TMEFF2: variants seen among roughly 807,000 people sequenced by gnomAD.
TMEFF2 encodes transmembrane protein with EGF like and two follistatin like domains 2.
A neutral mutation model predicts 53.8 loss-of-function variants in TMEFF2; 28 were observed. The ratio of observed to expected loss-of-function variants is 0.52; its 90% CI spans 0.39 to 0.71. The LOEUF is 0.71. TMEFF2 is among the 30% of genes least tolerant of loss of function. The pLI, the probability that TMEFF2 is intolerant of heterozygous loss-of-function variation, is 0.00. For synonymous variants in TMEFF2, 162 were observed against 166.3 expected (o/e 0.97, Z 0.20); for missense variants, 353 against 455.2 (o/e 0.78, Z 2.04).
At chr2:192,013,194 G>A (rs1040601265) in intron 5 of TMEFF2, among the ~76,000 whole-genome samples, 3 of 152,000 alleles carry the variant, frequency 2.0e-5, no homozygotes, top group South Asian at 4.2e-4. Flanking sequence ...TGTGTGATCC[G>A]GCTCTTGACT....
At chr2:192,046,124 G>A (rs186566907) in intron 5 of TMEFF2, among the ~76,000 whole-genome samples, 1 of 152,296 alleles carries the variant, frequency 6.6e-6, no homozygotes, top group African/African-American at 2.4e-5. Context: ...CAGCACTTTG[G>A]GAGGCTGAGG....
intron 4 of TMEFF2, among the ~76,000 whole-genome samples, chr2:192,125,769 A>G (rs961079093): frequency 2.0e-5 from 3 of 152,212 alleles, no homozygotes; most frequent in African/African-American, 7.2e-5. Context: ...CTAACATCGC[A>G]GGAACAGAAA....
At chr2:192,002,965 A>G (rs570002464) in intron 5 of TMEFF2, among the ~76,000 whole-genome samples, 1 of 152,352 alleles carries the variant, frequency 6.6e-6, no homozygotes. Context: ...ATTATTTACT[A>G]TATTCCATGT....
At chr2:192,055,216 G>T (rs1257530900) in intron 5 of TMEFF2, among the ~76,000 whole-genome samples, 1 of 152,158 alleles carries the variant, frequency 6.6e-6, no homozygotes, top group African/African-American at 2.4e-5. Flanking sequence ...TATGACTACA[G>T]AAGAGCCCTA....
intron 4 of TMEFF2, among the ~76,000 whole-genome samples, chr2:192,104,947 C>A (rs1022932211): frequency 6.6e-6 from 1 of 151,896 alleles, no homozygotes; most frequent in African/African-American, 2.4e-5. Context: ...AAAATTGTAA[C>A]CCTGACTGTT....
At chr2:192,040,201 C>T (rs559335599) in intron 5 of TMEFF2, among the ~76,000 whole-genome samples, 1 of 152,136 alleles carries the variant, frequency 6.6e-6, no homozygotes, top group African/African-American at 2.4e-5. Context: ...TCTTTTCTTT[C>T]TCACCTTGAA....
intron 7 of TMEFF2, among the ~76,000 whole-genome samples, chr2:191,964,186 T>G (rs1692348259): frequency 6.6e-6 from 1 of 152,042 alleles, no homozygotes; most frequent in East Asian, 1.9e-4. Context: ...TAAAAAACAA[T>G]TTCCTTCCTT....
intron 4 of TMEFF2, among the ~76,000 whole-genome samples, chr2:192,118,245 G>A (rs1689463881): frequency 6.6e-6 from 1 of 152,018 alleles, no homozygotes; most frequent in African/African-American, 2.4e-5. Flanking sequence ...GGTAACAGAT[G>A]GATATGCCAA....
At position 192,121,281 on chromosome 2, in the gene TMEFF2, C is replaced by T. The variant is rs16824101; in HGVS notation, c.439+58387G>A. On this transcript the variant is annotated intron_variant, in intron 4 of 9. Coordinates refer to ENST00000272771, the MANE Select transcript of TMEFF2 (RefSeq NM_016192.4). ...TCAGATGCCATAGTTTGAAAAGAAA[C>T]TCCAGATGAGAGGATATCTGGTCTC... 0.042 allele frequency among the ~76,000 whole-genome samples: 6,344 copies of T among 152,194 alleles called. 707 individuals carry two copies. The East Asian group carries it at 0.44, about 11-fold the overall frequency.
At chr2:192,126,595 T>C (rs903490659) in intron 4 of TMEFF2, among the ~76,000 whole-genome samples, 2 of 152,196 alleles carry the variant, frequency 1.3e-5, no homozygotes, top group African/African-American at 4.8e-5. Flanking sequence ...GACACTGCTA[T>C]GGTAATTACA....
intron 4 of TMEFF2, among the ~76,000 whole-genome samples, chr2:192,162,707 A>G (rs757907137): frequency 7.2e-5 from 11 of 152,210 alleles, no homozygotes; most frequent in African/African-American, 2.4e-4. Flanking sequence ...GCAATTTACT[A>G]TTAAAGAAGA....
chr2:192,059,141 A>AT (rs143469470), intron 4 of TMEFF2, among the ~76,000 whole-genome samples: 4,671 of 151,982 alleles, frequency 0.031, 241 homozygotes, highest in African/African-American at 0.11. Flanking sequence ...GGAGGGATTT[A>AT]TTTTTTCTAA....
At position 192,194,272 on chromosome 2, in the gene TMEFF2, C is replaced by A. The variant is rs1239313329; in HGVS notation, c.172+81G>T. 6.5e-7 allele frequency: 1 copy of A among 1,542,402 alleles called. No homozygotes were observed. Among genetic ancestry groups the A allele is most frequent in the Non-Finnish European group, 8.9e-7 (1 of 1,129,650 alleles). ...TAGGAGGTGAGGGGCTGAGGAGGCG[C>A]GCTAGGGTAGGCTGGTCTGTGCTGG... On this transcript the variant is annotated intron_variant, in intron 1 of 9. Transcript: ENST00000272771. This position sits in a 1 kb window ranked among gnomAD's most constrained non-coding sequence, Gnocchi z 4.2.
intron 4 of TMEFF2, among the ~76,000 whole-genome samples, chr2:192,096,678 T>G (rs1437564099): frequency 7.2e-6 from 1 of 138,936 alleles, no homozygotes; most frequent in Admixed American, 7.2e-5. Context: ...CTCTTTTTTT[T>G]TTTTTTTTTT....
chr2:191,977,135 T>G (rs1197788590), intron 7 of TMEFF2, among the ~76,000 whole-genome samples: 1 of 152,228 alleles, frequency 6.6e-6, no homozygotes, highest in African/African-American at 2.4e-5. Context: ...ACATGAAATA[T>G]GAACATGAAT....
chr2:192,081,800 CTTTT>C (rs900552541), intron 4 of TMEFF2, among the ~76,000 whole-genome samples: 4 of 130,340 alleles, frequency 3.1e-5, no homozygotes, highest in Admixed American at 2.4e-4. Flanking sequence ...AACGATTTCC[CTTTT>C]TTTTTTTTTT....
rs1309690025 is a variant in TMEFF2 at position 191,965,395 on chromosome 2, T to TGCTACTC, written c.746-9024_746-9018dup. Among the ~76,000 whole-genome samples, 5 of 152,296 alleles carry TGCTACTC rather than the reference T, an allele frequency of 3.3e-5. No homozygotes were observed. The East Asian group carries it at 9.7e-4, about 29-fold the overall frequency. On this transcript the variant is annotated intron_variant, in intron 7 of 9. Transcript: ENST00000272771. Reference sequence around the variant, plus strand: ...TTTGTCTATTTCTCTACATTTCTACTGCTACTCACTAAAGTCAGACCATAT... The same window carrying TGCTACTC: ...TTTGTCTATTTCTCTACATTTCTACTGCTACTCGCTACTCACTAAAGTCAGACCATAT...
At chr2:191,978,576 TC>T (rs1685784363) in intron 7 of TMEFF2, among the ~76,000 whole-genome samples, 1 of 152,168 alleles carries the variant, frequency 6.6e-6, no homozygotes, top group Admixed American at 6.5e-5. Flanking sequence ...TACTAAAATG[TC>T]TTTTTCTCTA....
chr2:191,995,534 G>A (rs1257422522), intron 7 of TMEFF2, among the ~76,000 whole-genome samples: 1 of 151,944 alleles, frequency 6.6e-6, no homozygotes, highest in African/African-American at 2.4e-5. Context: ...ACAGATTTTA[G>A]CATATGAAAT....
Sources: gnomAD v4.1 joint callset for allele counts (sites outside exome capture counted in the v4.1 genomes callset) on GRCh38, gnomAD v4.1.1 for gene constraint, Gnocchi (gnomAD v3.1) non-coding constraint, MANE v1.5 for transcripts, NCBI Gene and HGNC (gene_info 2026-07-23, HGNC 2026-07-21) for gene names.